Variants in MROH1 observed in about 807,000 individuals in gnomAD.
The protein encoded by MROH1 is maestro heat like repeat family member 1, also known as maestro heat-like repeat-containing protein family member 1.
In MROH1, 117 loss-of-function variants were observed where a neutral mutation model predicts 116.5. The ratio of observed to expected loss-of-function variants is 1.00; its 90% CI spans 0.86 to 1.17. The LOEUF is 1.17. MROH1 is among the 50% of genes most tolerant of loss of function. The pLI, the probability that MROH1 is intolerant of heterozygous loss-of-function variation, is 0.00. For missense variants in MROH1, 1,873 were observed against 1,338.5 expected, an observed-to-expected ratio of 1.40 and a Z score of -6.23; for synonymous variants, 921 against 583.9, an observed-to-expected ratio of 1.58 and a Z score of -8.32.
rs1841373613 is a variant in MROH1, at chr8:144,243,501, C to T, written c.2360C>T (p.Ala787Val). The T allele has an allele frequency of 1.5e-5, 12 of 779,554 alleles. No individual in the cohort carries two copies. The highest frequency in any genetic ancestry group is 7.2e-6 in the Non-Finnish European group (3 of 417,822). 48.3% of individuals were successfully genotyped at this position (779,554 alleles called of 1,614,324 possible). ...LGIKVETKDP[A>V]LKLCLVQSVC... is the part of the protein sequence containing the mutation. Reference sequence around the variant, plus strand: ...AGCCCTGCGTCCCTGCAGGACCCAGCCCTGAAGCTGTGCCTTGTCCAGAGT... The same window carrying T: ...AGCCCTGCGTCCCTGCAGGACCCAGTCCTGAAGCTGTGCCTTGTCCAGAGT... Residue 787 changes from alanine (A) to valine (V), a missense_variant, in exon 25 of 44, where the codon GCC becomes GTC. By Grantham distance (64) the Ala-to-Val change is moderately conservative (BLOSUM62 0). Coordinates refer to ENST00000326134, the MANE Select transcript of MROH1 (RefSeq NM_032450.3).
intron 12 of MROH1, among the ~76,000 whole-genome samples, chr8:144,217,883 C>T (rs1033533060): frequency 6.6e-6 from 1 of 151,830 alleles, no homozygotes; most frequent in Non-Finnish European, 1.5e-5. Context: ...GTTAGTGGCC[C>T]AGTATCCCTC....
rs889102475 is a variant in MROH1 at position 144,248,746 on chromosome 8, C to T, written c.3121-131C>T. On this transcript the variant is annotated intron_variant, in intron 31 of 43. Transcript: ENST00000326134. ...AGCTCATTGAAGGCGCAGGGCCCAG[C>T]GGCTGGGGCCCGGCTGCAAGAAGGG... is the stretch of plus-strand genomic sequence containing the variant. 1.0e-4 allele frequency: 72 copies of T among 693,468 alleles called. No homozygotes were observed. In the African/African-American group the frequency reaches 1.1e-3, roughly 10 times the overall value. 43.0% of individuals were successfully genotyped at this position (693,468 alleles called of 1,614,324 possible).
chr8:144,154,007 A>G (rs1010230501), intron 1 of MROH1, among the ~76,000 whole-genome samples: 16,878 of 151,998 alleles, frequency 0.11, 3,126 homozygotes, highest in African/African-American at 0.38. Flanking sequence ...TGATCCGCCC[A>G]CCTTGGCCTC....
chr8:144,151,051 C>T (rs993794943), intron 1 of MROH1, among the ~76,000 whole-genome samples: 12 of 151,898 alleles, frequency 7.9e-5, no homozygotes, highest in Non-Finnish European at 1.5e-4. Context: ...AGTTCGAGAC[C>T]AGCCTGGCCA....
chr8:144,172,403 T>A (rs1287959020), intron 4 of MROH1, among the ~76,000 whole-genome samples: 3 of 150,262 alleles, frequency 2.0e-5, no homozygotes, highest in Admixed American at 2.0e-4. Flanking sequence ...ACATTTAACT[T>A]TTTTTTTTTC....
intron 12 of MROH1, among the ~76,000 whole-genome samples, chr8:144,201,408 TC>T (rs1284961259): frequency 1.3e-5 from 2 of 152,192 alleles, no homozygotes; most frequent in East Asian, 3.9e-4. Flanking sequence ...ATACCATTTT[TC>T]ACAAGTGAGC....
Position 144,180,166 on chromosome 8 carries a change from T to A in MROH1, c.301-12T>A, listed in dbSNP as rs866600528. ...TTGCCTTTTGGTCTACCTGCCGGTG[T>A]TTTGGGTTCAGGACCTGGTCTGGGA... is the stretch of plus-strand genomic sequence containing the variant. On this transcript the variant is annotated splice_polypyrimidine_tract_variant and intron_variant, in intron 5 of 43. Transcript: ENST00000326134. This position sits in a 1 kb window ranked among gnomAD's most constrained non-coding sequence, Gnocchi z 7.4. 5.6e-6 allele frequency: 9 copies of A among 1,613,444 alleles called. No individual in the cohort carries two copies. The Middle Eastern group carries it at 1.5e-3, about 267-fold the overall frequency.
In MROH1 at chr8:144,179,573, T is replaced by C. The variant is rs746137043; in HGVS notation, c.287T>C (p.Met96Thr). Residue 96 changes from methionine (M) to threonine (T), a missense_variant, in exon 5 of 44, where the codon ATG becomes ACG. Transcript: ENST00000326134. Reference sequence around the variant, plus strand: ...ATCATCCTCCTGGCCTCCAGCGAGATGACCAAGACGAAGGTATTCAGCAGG... The same window carrying C: ...ATCATCCTCCTGGCCTCCAGCGAGACGACCAAGACGAAGGTATTCAGCAGG... Reference protein sequence around the residue: ...STIILLASSEMTKTKDLVWDW... With the variant: ...STIILLASSETTKTKDLVWDW... 9 of 1,610,450 alleles carry C rather than the reference T, an allele frequency of 5.6e-6. No individual in the cohort carries two copies. The highest frequency in any genetic ancestry group is 1.3e-5 in the African/African-American group (1 of 74,982).
intron 7 of MROH1, among the ~76,000 whole-genome samples, chr8:144,190,064 AG>A (rs1420231224): frequency 6.6e-6 from 1 of 152,158 alleles, no homozygotes; most frequent in African/African-American, 2.4e-5. Flanking sequence ...CAGGCTCCCC[AG>A]CTTCTGGTGG....
In MROH1 at chr8:144,172,473, G is replaced by A. The variant is rs1011773061; in HGVS notation, c.168+4033G>A. Among the ~76,000 whole-genome samples the A allele has an allele frequency of 2.3e-4, 34 of 149,838 alleles. No homozygotes were observed. In the Middle Eastern group the frequency reaches 0.01, roughly 46 times the overall value. On this transcript the variant is annotated intron_variant, in intron 4 of 43. Transcript: ENST00000326134. ...GTCGCCCAAGCTGGAGGGCAATGGC[G>A]CGATCTCGGCTCACTGCAACCTCCA...
At chr8:144,259,763 C>G (rs914300842) in intron 37 of MROH1, 148 bp from the exon 38 acceptor site, 1 of 680,170 alleles carries the variant, frequency 1.5e-6, no homozygotes, top group Non-Finnish European at 2.7e-6. Flanking sequence ...AGGGAGGGGT[C>G]GCCACTGATC....
chr8:144,244,080 C>A, intron 26 of MROH1, 138 bp downstream of exon 26: 1 of 702,510 alleles, frequency 1.4e-6, no homozygotes, highest in Non-Finnish European at 2.6e-6. Context: ...CTTGTGTGTG[C>A]GCATGCTGCA....
intron 37 of MROH1, 101 bp downstream of exon 37, chr8:144,259,455 G>A (rs1166732713): frequency 2.1e-5 from 15 of 702,848 alleles, no homozygotes; most frequent in Non-Finnish European, 2.9e-5. Context: ...CCCCTCGACC[G>A]TGGTCTGTGA....
chr8:144,173,679 T>C (rs984323944), intron 4 of MROH1, among the ~76,000 whole-genome samples: 3 of 152,180 alleles, frequency 2.0e-5, no homozygotes, highest in South Asian at 2.1e-4. Context: ...CACCTCGGCC[T>C]CCCAAAGTGC....
In MROH1 at chr8:144,194,511, G is replaced by A. The variant is rs541065010; in HGVS notation, c.948+2110G>A. On this transcript the variant is annotated intron_variant, in intron 10 of 43. Coordinates refer to ENST00000326134, the MANE Select transcript of MROH1 (RefSeq NM_032450.3). The stretch of plus-strand genomic sequence containing the variant: ...ACAGGAAGGACCTGCCTCTCAATGC[G>A]GATCGGGTCCTCTGCTGGTTCTATA... Among the ~76,000 whole-genome samples the A allele has an allele frequency of 1.3e-4, 20 of 152,164 alleles. No homozygotes were observed. In the South Asian group the frequency reaches 1.9e-3, roughly 14 times the overall value.
chr8:144,200,306 G>C (rs1830814361), intron 11 of MROH1, 122 bp from the exon 12 acceptor site: 1 of 775,378 alleles, frequency 1.3e-6, no homozygotes, highest in Non-Finnish European at 2.0e-6. Flanking sequence ...GGTGACCCCA[G>C]CTTCTCACCT....
chr8:144,228,419 G>A (rs942654239), intron 14 of MROH1, among the ~76,000 whole-genome samples: 2 of 152,198 alleles, frequency 1.3e-5, no homozygotes, highest in African/African-American at 4.8e-5. Flanking sequence ...ATTGATAGCT[G>A]CTGGACTGAT....
rs1030284178 is a variant in MROH1, at chr8:144,239,766, G to A, written c.1774+11G>A. 2 of 717,000 alleles carry A rather than the reference G, an allele frequency of 2.8e-6. No individual in the cohort carries two copies. Among genetic ancestry groups the A allele is most frequent in the African/African-American group, 1.7e-5 (1 of 57,252 alleles). The allele number at this position is 717,000 out of a possible 1,614,324, so 44.4% of individuals were successfully genotyped here. A position where few individuals can be genotyped will look rare whatever the true frequency, so the allele number is the denominator to read the frequency against. On this transcript the variant is annotated intron_variant, in intron 18 of 43. Transcript: ENST00000326134. ...TGGGGTACCTGGATGGTGAGGCCAG[G>A]GTCAGGATGGGGTGCATAGCCCTGT...
chr8:144,218,973 T>G (rs940851712), intron 12 of MROH1, among the ~76,000 whole-genome samples: 33 of 140,586 alleles, frequency 2.3e-4, no homozygotes, highest in Non-Finnish European at 5.0e-4. Context: ...TAGCTGGGAC[T>G]ATAGGTGTGC....
Sources: gnomAD v4.1 joint callset for allele counts (sites outside exome capture counted in the v4.1 genomes callset) on GRCh38, gnomAD v4.1.1 for gene constraint, Gnocchi (gnomAD v3.1) non-coding constraint, MANE v1.5 for transcripts, NCBI Gene and HGNC (gene_info 2026-07-23, HGNC 2026-07-21) for gene names.